The following CDC5L variants were observed in gnomAD, a reference collection of about 807,000 sequenced individuals.
The protein encoded by CDC5L is cell division cycle 5 like.
In CDC5L, 18 loss-of-function variants were observed where a neutral mutation model predicts 104.1. The ratio of observed to expected loss-of-function variants is 0.17; its 90% CI spans 0.12 to 0.26. The LOEUF (loss-of-function observed/expected upper bound fraction) is 0.26. CDC5L is among the 10% of genes least tolerant of loss of function. The pLI, the probability that CDC5L is intolerant of heterozygous loss-of-function variation, is 1.00. For missense variants in CDC5L, 673 were observed against 956.9 expected (o/e 0.70, Z 3.91); for synonymous variants, 331 against 322.7 (o/e 1.03, Z -0.28).
chr6:44,415,727 T>C (rs890973531), intron 8 of CDC5L, among the ~76,000 whole-genome samples: 17 of 152,172 alleles, frequency 1.1e-4, no homozygotes, highest in African/African-American at 4.1e-4. Flanking sequence ...TAGGCACACA[T>C]GTCCTAGCTA....
chr6:44,405,756 A>G (rs912657656), intron 6 of CDC5L, among the ~76,000 whole-genome samples: 1 of 152,194 alleles, frequency 6.6e-6, no homozygotes, highest in African/African-American at 2.4e-5. Context: ...CACAATCTTC[A>G]TACTTACATG....
chr6:44,399,655 T>G (rs1324747241), intron 5 of CDC5L, among the ~76,000 whole-genome samples: 8 of 152,314 alleles, frequency 5.3e-5, no homozygotes, highest in Non-Finnish European at 1.2e-4. Flanking sequence ...CTTTGTACTT[T>G]GTTTTGTTTT....
At position 44,408,500 on chromosome 6, in the gene CDC5L, A is replaced by C; in HGVS notation, c.960A>C (p.Ala320=). 6.2e-7 allele frequency: 1 copy of C among 1,614,040 alleles called. No individual in the cohort carries two copies. Among genetic ancestry groups the C allele is most frequent in the Non-Finnish European group, 8.5e-7 (1 of 1,179,924 alleles). Residue 320 remains alanine, a synonymous_variant, in exon 8 of 16, where the codon GCA becomes GCC. Coordinates refer to ENST00000371477, the MANE Select transcript of CDC5L (RefSeq NM_001253.4). ...AAGTAGGCCAAGCGAGTGAAATTGC[A>C]CGTCAAACTGCCGAGGAATCTGGCA... ...VVKVGQASEI[A]RQTAEESGIT...
chr6:44,406,530 A>G lies in CDC5L; in HGVS notation c.903+63A>G, dbSNP rs1791371365. The G allele has an allele frequency of 2.1e-6, 3 of 1,440,308 alleles. No individual in the cohort carries two copies. In the Admixed American group the frequency reaches 5.9e-5, roughly 28 times the overall value. The allele number at this position is 1,440,308 out of a possible 1,614,324, so 89.2% of individuals were successfully genotyped here. ...TATATGCTTATATCATTTATTCAGCAAATGTTTGAAGGCCTGTGTACCAGG... is the reference window on the plus strand; with the variant it reads ...TATATGCTTATATCATTTATTCAGCGAATGTTTGAAGGCCTGTGTACCAGG... On this transcript the variant is annotated intron_variant, in intron 7 of 15. Coordinates refer to ENST00000371477, the MANE Select transcript of CDC5L (RefSeq NM_001253.4).
At chr6:44,411,631 A>AGTGTGTGTGTGTGTGTGTGTGT (rs756188413) in intron 8 of CDC5L, among the ~76,000 whole-genome samples, 1 of 9,226 alleles carries the variant, frequency 1.1e-4, no homozygotes, top group East Asian at 0.016. Context: ...AGAGAGAGAG[A>AGTGTGTGTGTGTGTGTGTGTGT]GAGAGAGTGT....
chr6:44,424,018 GA>G (rs1792306996), intron 10 of CDC5L, among the ~76,000 whole-genome samples: 2 of 152,164 alleles, frequency 1.3e-5, no homozygotes, highest in South Asian at 4.1e-4. Flanking sequence ...ATGTTGGGAA[GA>G]AGGGGGGATA....
chr6:44,439,857 C>G (rs1793100566), intron 14 of CDC5L, among the ~76,000 whole-genome samples: 1 of 152,178 alleles, frequency 6.6e-6, no homozygotes, highest in African/African-American at 2.4e-5. Flanking sequence ...AATGGAGACA[C>G]ATAGGTTAAA....
intron 8 of CDC5L, among the ~76,000 whole-genome samples, chr6:44,413,789 C>T (rs1159882746): frequency 1.3e-5 from 2 of 152,000 alleles, no homozygotes; most frequent in African/African-American, 4.8e-5. Context: ...CTCACTGTGT[C>T]GCCCAGGCTG....
At chr6:44,435,771 G>T (rs1223099941) in intron 14 of CDC5L, 3 of 150,400 alleles carry the variant, frequency 2.0e-5, no homozygotes, top group African/African-American at 7.3e-5. Flanking sequence ...GTAAAATTGG[G>T]TGAGTAATAG....
At chr6:44,410,274 G>A (rs1008239918) in intron 8 of CDC5L, among the ~76,000 whole-genome samples, 2 of 152,032 alleles carry the variant, frequency 1.3e-5, no homozygotes, top group African/African-American at 4.8e-5. Flanking sequence ...TTTTCTGTGA[G>A]TTTGACTTTT....
chr6:44,392,447 T>A (rs1790665843), intron 2 of CDC5L, among the ~76,000 whole-genome samples: 1 of 152,238 alleles, frequency 6.6e-6, no homozygotes, highest in Non-Finnish European at 1.5e-5. Context: ...AAGTAACCTT[T>A]TTTAACCATT....
chr6:44,419,696 G>C (rs921263538), intron 9 of CDC5L, 99 bp downstream of exon 9: 1 of 903,214 alleles, frequency 1.1e-6, no homozygotes, highest in Non-Finnish European at 1.8e-6. Context: ...TACTTATTGT[G>C]TTGGATTTTC....
intron 14 of CDC5L, among the ~76,000 whole-genome samples, chr6:44,438,505 T>A (rs932018285): frequency 3.3e-5 from 5 of 152,142 alleles, no homozygotes; most frequent in African/African-American, 1.2e-4. Flanking sequence ...TGCTGGTAGA[T>A]TTTAAAAACT....
At chr6:44,397,763 C>G (rs990206448) in intron 5 of CDC5L, among the ~76,000 whole-genome samples, 3 of 152,216 alleles carry the variant, frequency 2.0e-5, no homozygotes, top group Non-Finnish European at 2.9e-5. Context: ...TTTAGGCCCT[C>G]ATAGAAATCT....
chr6:44,441,929 G>GT (rs1185055855), intron 14 of CDC5L, among the ~76,000 whole-genome samples: 3 of 110,616 alleles, frequency 2.7e-5, no homozygotes, highest in African/African-American at 7.3e-5. Flanking sequence ...GTAAGGTCTT[G>GT]TTCTTTTTTT....
At chr6:44,396,822 A>T (rs1790890268) in intron 5 of CDC5L, among the ~76,000 whole-genome samples, 1 of 152,334 alleles carries the variant, frequency 6.6e-6, no homozygotes, top group Middle Eastern at 3.4e-3. Flanking sequence ...TTTACAAAGG[A>T]TATTTTAAAG....
intron 5 of CDC5L, among the ~76,000 whole-genome samples, chr6:44,400,794 G>A (rs985507381): frequency 6.6e-6 from 1 of 152,174 alleles, no homozygotes; most frequent in Non-Finnish European, 1.5e-5. Flanking sequence ...TTTGGGCAGC[G>A]CTCTCTTTGA....
rs774746383 is a variant in CDC5L at position 44,446,591 on chromosome 6, AT to A, written c.2305-8del. ...TAGTTACATCTAAAATAATTACTTAATTTTTTTTCTTTAAGTGTCTAAAAGA... is the reference window on the plus strand; with the variant it reads ...TAGTTACATCTAAAATAATTACTTAATTTTTTTCTTTAAGTGTCTAAAAGA... On this transcript the variant is annotated splice_polypyrimidine_tract_variant and intron_variant, in intron 15 of 15. Coordinates refer to ENST00000371477, the MANE Select transcript of CDC5L (RefSeq NM_001253.4). 42 of 1,332,616 alleles carry A rather than the reference AT, an allele frequency of 3.2e-5. No homozygotes were observed. The highest frequency in any genetic ancestry group is 3.7e-5 in the Non-Finnish European group (36 of 960,306). 82.5% of individuals were successfully genotyped at this position (1,332,616 alleles called of 1,614,324 possible). A position where few individuals can be genotyped will look rare whatever the true frequency, so the allele number is the denominator to read the frequency against.
chr6:44,399,597 C>A (rs973580154), intron 5 of CDC5L, among the ~76,000 whole-genome samples: 3 of 152,106 alleles, frequency 2.0e-5, no homozygotes, highest in Admixed American at 6.6e-5. Flanking sequence ...AATTCTTCTG[C>A]CAGTTAACAT....
Sources: allele counts gnomAD v4.1 joint callset (sites outside exome capture counted in the v4.1 genomes callset), GRCh38; gene constraint gnomAD v4.1.1; transcripts MANE v1.5; gene names NCBI Gene and HGNC (gene_info 2026-07-23, HGNC 2026-07-21).